TRABD2B: variants seen among roughly 807,000 people sequenced by gnomAD.
TRABD2B encodes metalloprotease TIKI2.
Under a neutral mutation model 40.1 loss-of-function variants are expected in TRABD2B, and 14 were observed. That is an observed-to-expected ratio of 0.35 (90% CI 0.23 to 0.55). The LOEUF is 0.55. Among genes scored for constraint, TRABD2B ranks in the 20% least tolerant of loss-of-function variants. The probability of loss-of-function intolerance (pLI) is 0.90; values close to 1 mark genes in which losing one functional copy is unlikely to be tolerated. For synonymous variants in TRABD2B, 263 were observed against 277.0 expected (o/e 0.95, Z 0.50); for missense variants, 541 against 648.6 (o/e 0.83, Z 1.80).
Position 47,767,033 on chromosome 1 carries a change from T to A in TRABD2B, c.1350-927A>T, listed in dbSNP as rs1293043167. On this transcript the variant is annotated intron_variant, in intron 6 of 6. Transcript: ENST00000606738. Reference sequence around the variant, plus strand: ...CTCAGGGCCAGGTTACTGGCTCAGGTCCAGGAAAGAGACATAGGAAATGGA... The same window carrying A: ...CTCAGGGCCAGGTTACTGGCTCAGGACCAGGAAAGAGACATAGGAAATGGA... 2.0e-5 allele frequency among the ~76,000 whole-genome samples: 3 copies of A among 151,734 alleles called. No individual in the cohort carries two copies. The East Asian group carries it at 5.8e-4, about 29-fold the overall frequency.
chr1:47,994,265 G>A lies in TRABD2B; in HGVS notation c.435C>T (p.Leu145=). Residue 145 remains leucine (L), a synonymous_variant, in exon 2 of 7, where the codon CTC becomes CTT. Transcript: ENST00000606738. This position sits in a 1 kb window ranked among gnomAD's most constrained non-coding sequence, Gnocchi z 6.7. ...WMTPAQRGKG[L]YADYLFNAIA... is the part of the protein sequence containing the mutation. ...TGGCATTGAATAGGTAGTCAGCATAGAGCCCCTTGCCCCGCTGAGCGGGCG... is the reference window on the plus strand; with the variant it reads ...TGGCATTGAATAGGTAGTCAGCATAAAGCCCCTTGCCCCGCTGAGCGGGCG... 6.5e-7 allele frequency: 1 copy of A among 1,537,404 alleles called. No homozygotes were observed. The highest frequency in any genetic ancestry group is 1.2e-5 in the South Asian group (1 of 84,066).
chr1:47,773,685 T>C (rs963893484), intron 6 of TRABD2B, among the ~76,000 whole-genome samples: 2 of 152,256 alleles, frequency 1.3e-5, no homozygotes, highest in Non-Finnish European at 2.9e-5. Context: ...CATGTGGAAC[T>C]GTGAGTCAAT....
chr1:47,970,773 G>C (rs1645670272), intron 2 of TRABD2B, among the ~76,000 whole-genome samples: 2 of 152,176 alleles, frequency 1.3e-5, no homozygotes, highest in Non-Finnish European at 2.9e-5. Context: ...CTGGGACCCA[G>C]GCTGAAGAGG....
chr1:47,952,253 C>T (rs763196481), intron 2 of TRABD2B, among the ~76,000 whole-genome samples: 4 of 152,242 alleles, frequency 2.6e-5, no homozygotes, highest in Non-Finnish European at 4.4e-5. Flanking sequence ...TGCTTTCCTT[C>T]CTACCTGTCC....
At chr1:47,941,009 G>A (rs982705721) in intron 2 of TRABD2B, among the ~76,000 whole-genome samples, 2 of 152,064 alleles carry the variant, frequency 1.3e-5, no homozygotes, top group Non-Finnish European at 2.9e-5. Flanking sequence ...ACCCACTCCC[G>A]ACTGGCTGGC....
In TRABD2B at chr1:47,986,509, A is replaced by G. The variant is rs550684778; in HGVS notation, c.666+7525T>C. Among the ~76,000 whole-genome samples, 700 of 152,364 alleles carry G rather than the reference A, an allele frequency of 4.6e-3. 6 individuals are homozygous for G. The highest frequency in any genetic ancestry group is 6.0e-3 in the Non-Finnish European group (410 of 68,038). On this transcript the variant is annotated intron_variant, in intron 2 of 6. Coordinates refer to ENST00000606738, the MANE Select transcript of TRABD2B (RefSeq NM_001194986.2). ...TGAGAAAAAAGTATAAACAAAATATATAAGTGCTGAAAGAATGTCGTAAAA... is the reference window on the plus strand; with the variant it reads ...TGAGAAAAAAGTATAAACAAAATATGTAAGTGCTGAAAGAATGTCGTAAAA...
intron 2 of TRABD2B, among the ~76,000 whole-genome samples, chr1:47,911,988 C>T (rs1356553123): frequency 1.3e-5 from 2 of 152,164 alleles, no homozygotes; most frequent in African/African-American, 4.8e-5. Context: ...TCACGCAACG[C>T]CCAAGTACTA....
rs1352927339 is a variant in TRABD2B at position 47,775,401 on chromosome 1, G to T, written c.1118C>A (p.Thr373Asn). The change falls in exon 6 of 7, where the codon ACC (threonine) becomes AAC (asparagine). Residue 373 changes from threonine to asparagine, a missense_variant. Transcript: ENST00000606738. The stretch of plus-strand genomic sequence containing the variant: ...GGTCACTGGGGCCGGGCTCGTCGAG[G>T]TCCCCTCAGGAGAGGGCGCTGGGCT... ...PQSPAPSPEGTSTSPAPVTPA... is the reference protein window; with the variant it reads ...PQSPAPSPEGNSTSPAPVTPA... 2 of 1,236,670 alleles carry T rather than the reference G, an allele frequency of 1.6e-6. No homozygotes were observed. The highest frequency in any genetic ancestry group is 1.5e-5 in the African/African-American group (1 of 64,546). 76.6% of individuals were successfully genotyped at this position (1,236,670 alleles called of 1,614,324 possible). A position where few individuals can be genotyped will look rare whatever the true frequency, so the allele number is the denominator to read the frequency against.
At chr1:47,768,686 C>T (rs79274108) in intron 6 of TRABD2B, among the ~76,000 whole-genome samples, 1,556 of 152,298 alleles carry the variant, frequency 0.01, 17 homozygotes, top group Non-Finnish European at 0.017. Flanking sequence ...CTATATGTAA[C>T]GTGCTTTGAA....
chr1:47,954,634 G>A (rs573614769), intron 2 of TRABD2B, among the ~76,000 whole-genome samples: 15 of 152,320 alleles, frequency 9.8e-5, no homozygotes, highest in African/African-American at 3.6e-4. Flanking sequence ...GTGGGGTTGA[G>A]CTATGTGCAT....
chr1:47,826,411 T>A (rs1162068480), intron 2 of TRABD2B, among the ~76,000 whole-genome samples: 3 of 152,104 alleles, frequency 2.0e-5, no homozygotes, highest in African/African-American at 7.2e-5. Context: ...ATATAATGTA[T>A]TTTACATATG....
At chr1:47,959,866 C>G (rs1645484034) in intron 2 of TRABD2B, among the ~76,000 whole-genome samples, 1 of 152,120 alleles carries the variant, frequency 6.6e-6, no homozygotes, top group African/African-American at 2.4e-5. Flanking sequence ...TTTATGAGGC[C>G]AGCATCATCC....
intron 2 of TRABD2B, among the ~76,000 whole-genome samples, chr1:47,889,437 T>C (rs1384529133): frequency 6.6e-6 from 1 of 152,244 alleles, no homozygotes; most frequent in Non-Finnish European, 1.5e-5. Context: ...TGGCTTGTCA[T>C]GTCACATTGT....
intron 2 of TRABD2B, among the ~76,000 whole-genome samples, chr1:47,814,180 T>C (rs752812230): frequency 1.4e-4 from 22 of 152,210 alleles, no homozygotes; most frequent in Non-Finnish European, 2.9e-4. Flanking sequence ...GAAGCTGGCA[T>C]GTTCAGGGCC....
At chr1:47,984,215 G>A (rs1332565382) in intron 2 of TRABD2B, among the ~76,000 whole-genome samples, 1 of 152,250 alleles carries the variant, frequency 6.6e-6, no homozygotes, top group Non-Finnish European at 1.5e-5. Context: ...TGCCCGGGCA[G>A]GGCTGGCCGC....
intron 2 of TRABD2B, among the ~76,000 whole-genome samples, chr1:47,961,635 G>C (rs910987623): frequency 6.6e-6 from 1 of 152,216 alleles, no homozygotes; most frequent in Non-Finnish European, 1.5e-5. Flanking sequence ...CTGGCCATCA[G>C]AGAAATGCAA....
intron 2 of TRABD2B, among the ~76,000 whole-genome samples, chr1:47,990,884 C>G (rs1646001430): frequency 7.3e-6 from 1 of 137,598 alleles, no homozygotes; most frequent in Non-Finnish European, 1.5e-5. Flanking sequence ...GGAAGCAAGT[C>G]TCCTATCTCC....
chr1:47,973,449 A>G (rs908873473), intron 2 of TRABD2B, among the ~76,000 whole-genome samples: 1 of 152,234 alleles, frequency 6.6e-6, no homozygotes, highest in Admixed American at 6.5e-5. Flanking sequence ...TGTTGCCAAC[A>G]AACGAATTCC....
Position 47,956,362 on chromosome 1 carries a change from G to C in TRABD2B, c.666+37672C>G, listed in dbSNP as rs569821298. Among the ~76,000 whole-genome samples the C allele has an allele frequency of 1.3e-3, 205 of 152,324 alleles. 1 individual carries two copies. Among genetic ancestry groups the C allele is most frequent in the Middle Eastern group, 3.4e-3 (1 of 294 alleles). On this transcript the variant is annotated intron_variant, in intron 2 of 6. Coordinates refer to ENST00000606738, the MANE Select transcript of TRABD2B (RefSeq NM_001194986.2). ...GGGTTCATCTCACTGGGGCTTGTCGGACAGTGGGTGCAGCCCATGGAGCAT... is the reference window on the plus strand; with the variant it reads ...GGGTTCATCTCACTGGGGCTTGTCGCACAGTGGGTGCAGCCCATGGAGCAT...
Sources: allele counts gnomAD v4.1 joint callset (sites outside exome capture counted in the v4.1 genomes callset), GRCh38; gene constraint gnomAD v4.1.1; non-coding constraint Gnocchi (gnomAD v3.1); transcripts MANE v1.5; gene names NCBI Gene and HGNC (gene_info 2026-07-23, HGNC 2026-07-21).